The following NPAS3 variants were observed in gnomAD, a reference collection of about 807,000 sequenced individuals.
NPAS3 encodes the protein neuronal PAS domain-containing protein 3.
Under a neutral mutation model 73.1 loss-of-function variants are expected in NPAS3, and 14 were observed. The observed-to-expected ratio is 0.19, with a 90% CI of 0.13 to 0.30. The LOEUF (loss-of-function observed/expected upper bound fraction) is 0.30. Among genes scored for constraint, NPAS3 ranks in the 10% least tolerant of loss-of-function variants. The pLI is 1.00. For synonymous variants in NPAS3, 620 were observed against 541.5 expected (o/e 1.14, Z -2.01); for missense variants, 1,096 against 1,250.0 (o/e 0.88, Z 1.86).
chr14:33,093,213 C>G (rs569855822), intron 2 of NPAS3, among the ~76,000 whole-genome samples: 2 of 152,304 alleles, frequency 1.3e-5, no homozygotes, highest in East Asian at 1.9e-4. Context: ...TTTTTGCAAT[C>G]TACTCATCTG....
intron 2 of NPAS3, among the ~76,000 whole-genome samples, chr14:33,113,912 C>G (rs1197820249): frequency 6.6e-6 from 1 of 152,148 alleles, no homozygotes; most frequent in Non-Finnish European, 1.5e-5. Flanking sequence ...TTTTCTGCAT[C>G]TATTGAGATA....
chr14:33,022,353 C>G (rs1003402137), intron 1 of NPAS3, among the ~76,000 whole-genome samples: 1 of 152,100 alleles, frequency 6.6e-6, no homozygotes, highest in Non-Finnish European at 1.5e-5. Flanking sequence ...AGAAATTATA[C>G]ATTCTTGGAG....
intron 2 of NPAS3, among the ~76,000 whole-genome samples, chr14:33,066,234 G>A (rs149113576): frequency 6.6e-6 from 1 of 152,218 alleles, no homozygotes; most frequent in African/African-American, 2.4e-5. Context: ...GAAAACAATG[G>A]TATTCATGGC....
chr14:33,611,323 G>T (rs1311960650), intron 5 of NPAS3, among the ~76,000 whole-genome samples: 2 of 152,206 alleles, frequency 1.3e-5, no homozygotes, highest in Non-Finnish European at 2.9e-5. Flanking sequence ...AACACTATGA[G>T]CCAAACAGAC....
chr14:33,047,138 T>C (rs2040538057), intron 1 of NPAS3, among the ~76,000 whole-genome samples: 1 of 152,202 alleles, frequency 6.6e-6, no homozygotes, highest in Non-Finnish European at 1.5e-5. Flanking sequence ...AGGTTGAAAT[T>C]AGCCTGAGAA....
intron 4 of NPAS3, among the ~76,000 whole-genome samples, chr14:33,544,788 TTA>T (rs71406561): frequency 0.14 from 8,764 of 63,042 alleles, 1,123 homozygotes; most frequent in Non-Finnish European, 0.16. Flanking sequence ...TGTGTGTGTA[TTA>T]TATATATATA....
At chr14:32,935,425 G>A (rs920770748), upstream of NPAS3, among the ~76,000 whole-genome samples, 1 of 152,202 alleles carries the variant, frequency 6.6e-6, no homozygotes, top group African/African-American at 2.4e-5. Context: ...TTGATCATTT[G>A]TTTCCAAACA....
intron 2 of NPAS3, among the ~76,000 whole-genome samples, chr14:33,170,374 G>A (rs975228466): frequency 6.6e-6 from 1 of 152,156 alleles, no homozygotes; most frequent in African/African-American, 2.4e-5. Flanking sequence ...CTTTTGGCTG[G>A]TAGAGGGTCT....
intron 5 of NPAS3, among the ~76,000 whole-genome samples, chr14:33,596,567 A>G (rs1186152389): frequency 1.3e-5 from 2 of 152,242 alleles, no homozygotes; most frequent in Non-Finnish European, 2.9e-5. Context: ...ATCTCAGGAC[A>G]TCGGTAAAGA....
intron 4 of NPAS3, among the ~76,000 whole-genome samples, chr14:33,373,041 T>G (rs1377728855): frequency 6.6e-6 from 1 of 152,236 alleles, no homozygotes; most frequent in Non-Finnish European, 1.5e-5. Context: ...GATATTTGTA[T>G]TTTACCTTAT....
chr14:33,306,295 A>C (rs2042751634), intron 3 of NPAS3, among the ~76,000 whole-genome samples: 1 of 152,198 alleles, frequency 6.6e-6, no homozygotes, highest in South Asian at 2.1e-4. Flanking sequence ...CATTTTTCTC[A>C]TAAACTGACC....
At chr14:33,724,950 T>A (rs2140569398) in intron 6 of NPAS3, among the ~76,000 whole-genome samples, 1 of 152,226 alleles carries the variant, frequency 6.6e-6, no homozygotes, top group East Asian at 1.9e-4. Flanking sequence ...AAGATTAATT[T>A]CAAAGAAATT....
chr14:33,795,872 A>T (rs1167067187), intron 10 of NPAS3, among the ~76,000 whole-genome samples: 1 of 152,184 alleles, frequency 6.6e-6, no homozygotes, highest in Admixed American at 6.5e-5. Flanking sequence ...AAGTTTAGGT[A>T]TCAAAGACCA....
chr14:33,156,830 T>TA (rs1283141765), intron 2 of NPAS3, among the ~76,000 whole-genome samples: 1 of 152,184 alleles, frequency 6.6e-6, no homozygotes, highest in Non-Finnish European at 1.5e-5. Context: ...AGGTGAAATA[T>TA]AATTATCGTT....
intron 4 of NPAS3, among the ~76,000 whole-genome samples, chr14:33,429,547 G>T (rs535539124): frequency 4.6e-5 from 7 of 152,280 alleles, no homozygotes; most frequent in Non-Finnish European, 7.4e-5. Flanking sequence ...ATGTACTGAG[G>T]TGTCACCATT....
intron 4 of NPAS3, among the ~76,000 whole-genome samples, chr14:33,496,924 G>T (rs985775001): frequency 1.3e-5 from 2 of 152,106 alleles, no homozygotes; most frequent in African/African-American, 4.8e-5. Flanking sequence ...GTTTACAGAT[G>T]ACATGATTGT....
chr14:33,431,249 A>T (rs925325242), intron 4 of NPAS3, among the ~76,000 whole-genome samples: 2 of 152,168 alleles, frequency 1.3e-5, no homozygotes, highest in Non-Finnish European at 2.9e-5. Context: ...CCAGCCTCTC[A>T]TGTTAACATC....
At chr14:33,435,065 A>C (rs2048932584) in intron 4 of NPAS3, among the ~76,000 whole-genome samples, 1 of 152,224 alleles carries the variant, frequency 6.6e-6, no homozygotes, top group Non-Finnish European at 1.5e-5. Context: ...TTAGTCTCTC[A>C]GACTTCTGCA....
chr14:33,450,510 A>G (rs933793467), intron 4 of NPAS3, among the ~76,000 whole-genome samples: 4 of 152,166 alleles, frequency 2.6e-5, no homozygotes, highest in African/African-American at 9.7e-5. Context: ...ATCCTGAAAA[A>G]AACATCTGAG....
Sources: gnomAD v4.1 joint callset for allele counts (sites outside exome capture counted in the v4.1 genomes callset) on GRCh38, gnomAD v4.1.1 for gene constraint, MANE v1.5 for transcripts, NCBI Gene and HGNC (gene_info 2026-07-23, HGNC 2026-07-21) for gene names.